The following STRADA variants were observed in gnomAD, a reference collection of about 807,000 sequenced individuals.
The protein encoded by STRADA is STE20-related kinase adapter protein alpha.
In STRADA, 26 loss-of-function variants were observed where a neutral mutation model predicts 55.0. That is an observed-to-expected ratio of 0.47 (90% confidence interval 0.35 to 0.66). STRADA has a LOEUF of 0.66. STRADA is among the 30% of genes least tolerant of loss of function. The probability of loss-of-function intolerance (pLI) is 0.01; values close to 1 mark genes in which losing one functional copy is unlikely to be tolerated. For missense variants in STRADA, 443 were observed against 549.7 expected (o/e 0.81, Z 1.94); for synonymous variants, 197 against 210.9 (o/e 0.93, Z 0.57).
At chr17:63,726,878 C>T (rs2144141482) in intron 2 of STRADA, 183 bp from the exon 3 acceptor site, 1 of 606,302 alleles carries the variant, frequency 1.6e-6, no homozygotes, top group Non-Finnish European at 2.9e-6. Context: ...TTCCTTTCTC[C>T]ACTCCTCTTT....
intron 1 of STRADA, among the ~76,000 whole-genome samples, chr17:63,733,763 A>G (rs947413711): frequency 1.3e-5 from 2 of 152,224 alleles, no homozygotes; most frequent in African/African-American, 4.8e-5. Context: ...CTGGGAGTCC[A>G]GTTTTGATAC....
At chr17:63,709,000 CT>C (rs1477036596) in intron 8 of STRADA, among the ~76,000 whole-genome samples, 1 of 152,190 alleles carries the variant, frequency 6.6e-6, no homozygotes, top group Non-Finnish European at 1.5e-5. Flanking sequence ...TACCTTTCAT[CT>C]TTTCTTCTAA....
At chr17:63,704,613 T>G (rs571768059) in intron 10 of STRADA, 31 bp from the exon 11 acceptor site, 4 of 619,422 alleles carry the variant, frequency 6.5e-6, no homozygotes, top group Admixed American at 7.2e-5. Context: ...ACCTGGGCTG[T>G]AGCGGGTGGG....
chr17:63,727,387 G>C (rs980882268), intron 2 of STRADA: 5 of 152,242 alleles, frequency 3.3e-5, no homozygotes, highest in African/African-American at 1.2e-4. Context: ...TTAAGGACTG[G>C]TGTTACACTT....
intron 1 of STRADA, among the ~76,000 whole-genome samples, chr17:63,738,760 A>G (rs1015100689): frequency 6.6e-6 from 1 of 151,996 alleles, no homozygotes; most frequent in African/African-American, 2.4e-5. Flanking sequence ...CGGGAGACTG[A>G]GGCAGGAGGT....
intron 8 of STRADA, chr17:63,710,285 C>A: frequency 1.5e-6 from 1 of 683,524 alleles, no homozygotes; most frequent in Non-Finnish European, 2.3e-6. Context: ...GATCCACCTG[C>A]CTTGGCCTCC....
chr17:63,731,505 C>CCGT (rs2038053947), intron 1 of STRADA, among the ~76,000 whole-genome samples: 1 of 151,570 alleles, frequency 6.6e-6, no homozygotes, highest in Admixed American at 6.6e-5. Context: ...ACCTCGTGAT[C>CCGT]CGTCCGCCTT....
In STRADA at chr17:63,726,236, A is replaced by G. The variant is rs965796041; in HGVS notation, c.94+402T>C. On this transcript the variant is annotated intron_variant, in intron 3 of 12. Transcript: ENST00000336174. ...TTTTTCCTTAGTTCTCTTAAATCTC[A>G]TAATTTCTACCATGAAAAAATGAGT... 2.5e-5 allele frequency: 4 copies of G among 161,310 alleles called. No individual in the cohort carries two copies. The East Asian group carries it at 7.1e-4, about 29-fold the overall frequency. The allele number at this position is 161,310 out of a possible 1,614,324, so 10.0% of individuals were successfully genotyped here.
At chr17:63,740,147 T>TATACACAC (rs1401201419) in intron 1 of STRADA, among the ~76,000 whole-genome samples, 122 of 67,000 alleles carry the variant, frequency 1.8e-3, no homozygotes, top group African/African-American at 7.4e-3. Flanking sequence ...TATATATATA[T>TATACACAC]ACACACACAC....
Sources: allele counts gnomAD v4.1 joint callset (sites outside exome capture counted in the v4.1 genomes callset), GRCh38; gene constraint gnomAD v4.1.1; transcripts MANE v1.5; gene names NCBI Gene and HGNC (gene_info 2026-07-23, HGNC 2026-07-21).